ARSL: variants seen among roughly 807,000 people sequenced by gnomAD.
ARSL encodes the protein arylsulfatase E (chondrodysplasia punctata 1).
In ARSL, 4 loss-of-function variants were observed where a neutral mutation model predicts 31.1. The observed-to-expected ratio is 0.13, with a 90% confidence interval of 0.06 to 0.29. The LOEUF is 0.29. Among genes scored for constraint, ARSL ranks in the 10% least tolerant of loss-of-function variants. The pLI, the probability that ARSL is intolerant of heterozygous loss-of-function variation, is 1.00. For missense variants in ARSL, 312 were observed against 497.8 expected (o/e 0.63, Z 3.55); for synonymous variants, 198 against 209.9 (o/e 0.94, Z 0.49).
In ARSL at chrX:2,958,201, G is replaced by T; in HGVS notation, c.185+73C>A. ...GAACTGCCAAGATCAAGGGTTATAT[G>T]CATTTTCAGTGGCTTCTCTTTCTTC... On this transcript the variant is annotated intron_variant, in intron 3 of 10. Coordinates refer to ENST00000381134, the MANE Select transcript of ARSL (RefSeq NM_000047.3). 4.3e-6 allele frequency: 5 copies of T among 1,166,198 alleles called. No individual in the cohort carries two copies. In the South Asian group the frequency reaches 9.3e-5, roughly 22 times the overall value.
chrX:2,959,031 A>C (rs755913065), intron 2 of ARSL, among the ~76,000 whole-genome samples: 1 of 112,041 alleles, frequency 8.9e-6, no homozygotes, highest in South Asian at 3.7e-4. Context: ...TGCCTTAGTC[A>C]TGGTTTCTTG....
chrX:2,958,261 C>A lies in ARSL; in HGVS notation c.185+13G>T. Reference sequence around the variant, plus strand: ...CATTGGGGGCACCAGGTGAGTAATTCTCTGTCCCTTGCCTCATGGTGTTGT... The same window carrying A: ...CATTGGGGGCACCAGGTGAGTAATTATCTGTCCCTTGCCTCATGGTGTTGT... On this transcript the variant is annotated intron_variant, in intron 3 of 10. Coordinates refer to ENST00000381134, the MANE Select transcript of ARSL (RefSeq NM_000047.3). 8.3e-7 allele frequency: 1 copy of A among 1,211,113 alleles called. No individual in the cohort carries two copies. The highest frequency in any genetic ancestry group is 1.1e-6 in the Non-Finnish European group (1 of 895,174).
chrX:2,944,878 G>C (rs910701195), intron 7 of ARSL, among the ~76,000 whole-genome samples: 2 of 110,615 alleles, frequency 1.8e-5, no homozygotes, highest in Non-Finnish European at 3.8e-5. Context: ...GTCACGAAGA[G>C]AAGCAATGGT....
intron 10 of ARSL, 67 bp from the exon 11 acceptor site, chrX:2,935,257 C>T: frequency 9.4e-7 from 1 of 1,062,061 alleles, no homozygotes; most frequent in South Asian, 1.9e-5. Context: ...AGAATGGCAT[C>T]TTCATAGGGC....
intron 8 of ARSL, 115 bp from the exon 9 acceptor site, chrX:2,938,372 C>G (rs2089233547): frequency 2.1e-6 from 2 of 935,242 alleles, no homozygotes; most frequent in Non-Finnish European, 2.9e-6. Flanking sequence ...CTCCCTGAGT[C>G]TCTCAATTTC....
intron 5 of ARSL, among the ~76,000 whole-genome samples, chrX:2,951,702 A>G (rs2089464514): frequency 9.4e-6 from 1 of 106,629 alleles, no homozygotes; most frequent in African/African-American, 3.4e-5. Flanking sequence ...TTGGGAGACT[A>G]AGGTGGGAGG....
At chrX:2,960,979 G>A (rs2089623524) in intron 1 of ARSL, among the ~76,000 whole-genome samples, 1 of 110,229 alleles carries the variant, frequency 9.1e-6, no homozygotes, top group African/African-American at 3.4e-5. Context: ...AGCACTTTGG[G>A]AGGCGGAAGT....
At chrX:2,938,991 C>G (rs1231985876) in intron 8 of ARSL, among the ~76,000 whole-genome samples, 1 of 111,455 alleles carries the variant, frequency 9.0e-6, no homozygotes, top group Non-Finnish European at 1.9e-5. Context: ...GGAGCCTCCC[C>G]TAGAGCATCC....
chrX:2,936,630 G>A (rs2089205663), intron 10 of ARSL, 112 bp downstream of exon 10: 1 of 1,033,654 alleles, frequency 9.7e-7, no homozygotes, highest in African/African-American at 1.9e-5. Context: ...GCGGAGACAT[G>A]GAGATGGACT....
chrX:2,965,770 G>A (rs1172921178), upstream of ARSL, among the ~76,000 whole-genome samples: 3 of 110,286 alleles, frequency 2.7e-5, no homozygotes, highest in African/African-American at 6.6e-5. Flanking sequence ...ATGTGGTGGC[G>A]TGCACCTGTA....
rs55974713 is a variant in ARSL at position 2,935,242 on chromosome X, G to A, written c.1412-52C>T. 0.074 allele frequency: 84,922 copies of A among 1,141,579 alleles called. 2,498 individuals are homozygous for A. The highest frequency in any genetic ancestry group is 0.087 in the Non-Finnish European group (72,801 of 835,237). The allele number at this position is 1,141,579 out of a possible 1,213,427, so 94.1% of individuals were successfully genotyped here. ...TTGGCATAGAGAAATAGGGTGCCTTGCTGGAGAATGGCATCTTCATAGGGC... is the reference window on the plus strand; with the variant it reads ...TTGGCATAGAGAAATAGGGTGCCTTACTGGAGAATGGCATCTTCATAGGGC... On this transcript the variant is annotated intron_variant, in intron 10 of 10. Coordinates refer to ENST00000381134, the MANE Select transcript of ARSL (RefSeq NM_000047.3).
chrX:2,958,942 G>A (rs1170714522), intron 2 of ARSL, among the ~76,000 whole-genome samples: 1 of 111,852 alleles, frequency 8.9e-6, no homozygotes, highest in African/African-American at 3.2e-5. Flanking sequence ...AGCTGAGATC[G>A]CACCACTGCA....
At chrX:2,958,456 C>T in intron 2 of ARSL, 21 bp from the exon 3 acceptor site, 1 of 1,210,951 alleles carries the variant, frequency 8.3e-7, no homozygotes, top group South Asian at 1.8e-5. Context: ...CTGCGTCATG[C>T]TCCTGTCCAT....
intron 8 of ARSL, among the ~76,000 whole-genome samples, chrX:2,941,234 G>T (rs1455000394): frequency 1.0e-5 from 1 of 97,280 alleles, no homozygotes; most frequent in African/African-American, 3.6e-5. Flanking sequence ...ATAAGAACTT[G>T]GGTGTCCACA....
At chrX:2,944,239 A>T (rs1441580204) in intron 7 of ARSL, among the ~76,000 whole-genome samples, 1 of 109,209 alleles carries the variant, frequency 9.2e-6, no homozygotes, top group Non-Finnish European at 1.9e-5. Flanking sequence ...GCGGATCACA[A>T]GGTCAGCAGT....
At position 2,957,245 on chromosome X, in the gene ARSL, T is replaced by A. The variant is rs1022447990; in HGVS notation, c.185+1029A>T. On this transcript the variant is annotated intron_variant, in intron 3 of 10. Transcript: ENST00000381134. The stretch of plus-strand genomic sequence containing the variant: ...CAAAAAAAAAAAATTAATGTTTATA[T>A]TTTCTAGAGACAGGATTTCACTATG... Among the ~76,000 whole-genome samples the A allele has an allele frequency of 2.8e-5, 3 of 107,650 alleles. No individual in the cohort carries two copies. The South Asian group carries it at 1.3e-3, about 45-fold the overall frequency. 93.5% of individuals were successfully genotyped at this position (107,650 alleles called of 115,157 possible).
intron 10 of ARSL, among the ~76,000 whole-genome samples, 188 bp from the exon 11 acceptor site, chrX:2,935,378 C>T (rs768970672): frequency 7.1e-5 from 8 of 112,315 alleles, no homozygotes; most frequent in Non-Finnish European, 1.3e-4. Flanking sequence ...CACAATGACA[C>T]AGGCTGCAAC....
chrX:2,936,209 C>T (rs1393207475), intron 10 of ARSL, among the ~76,000 whole-genome samples: 1 of 110,142 alleles, frequency 9.1e-6, no homozygotes, highest in African/African-American at 3.3e-5. Flanking sequence ...GTGGTGGGCA[C>T]CTGTAATCCC....
chrX:2,947,828 G>T (rs2089405713), intron 6 of ARSL, among the ~76,000 whole-genome samples: 2 of 112,876 alleles, frequency 1.8e-5, no homozygotes, highest in African/African-American at 6.4e-5. Flanking sequence ...TTGCCATGAA[G>T]AACTCTCTAA....
Sources: gnomAD v4.1 joint callset for allele counts (sites outside exome capture counted in the v4.1 genomes callset) on GRCh38, gnomAD v4.1.1 for gene constraint, MANE v1.5 for transcripts, NCBI Gene and HGNC (gene_info 2026-07-23, HGNC 2026-07-21) for gene names.